The following KIF20A variants were observed in gnomAD, a reference collection of about 807,000 sequenced individuals.
KIF20A encodes the protein kinesin-like protein KIF20A.
Under a neutral mutation model 113.0 loss-of-function variants are expected in KIF20A, and 66 were observed. The observed-to-expected ratio is 0.58, with a 90% CI of 0.48 to 0.72. The LOEUF is 0.72. Among genes scored for constraint, KIF20A ranks in the 30% least tolerant of loss-of-function variants. The probability of loss-of-function intolerance (pLI) is 0.00; values close to 1 mark genes in which losing one functional copy is unlikely to be tolerated. For missense variants in KIF20A, 927 were observed against 1,077.6 expected, an observed-to-expected ratio of 0.86 and a Z score of 1.96; for synonymous variants, 376 against 402.3, an observed-to-expected ratio of 0.93 and a Z score of 0.78.
chr5:138,186,107 T>A, intron 17 of KIF20A, 55 bp downstream of exon 17: 2 of 1,537,966 alleles, frequency 1.3e-6, no homozygotes, highest in Non-Finnish European at 1.8e-6. Flanking sequence ...ATTTCCCACA[T>A]CCAACACTCT....
chr5:138,181,499 A>G lies in KIF20A; in HGVS notation c.243A>G (p.Arg81=). The change falls in exon 3 of 19, where the codon CGA becomes CGG. Residue 81 remains arginine (R), a synonymous_variant. Coordinates refer to ENST00000394894, the MANE Select transcript of KIF20A (RefSeq NM_005733.3). ...CCTTGTTACCTTCAGAGTTGGAACG[A>G]CAGGAAGATCAGGTAAGTGTCTGAG... The part of the protein sequence containing the change: ...VRPLLPSELE[R]QEDQGCVRIE... 6.2e-7 allele frequency: 1 copy of G among 1,614,210 alleles called. No individual in the cohort carries two copies. The highest frequency in any genetic ancestry group is 1.3e-5 in the African/African-American group (1 of 75,060).
chr5:138,183,161 T>C lies in KIF20A; in HGVS notation c.833-8T>C. 6.2e-7 allele frequency: 1 copy of C among 1,613,742 alleles called. No homozygotes were observed. The highest frequency in any genetic ancestry group is 8.5e-7 in the Non-Finnish European group (1 of 1,179,764). ...GGTTGATGCCCTATACATTGGCTTC[T>C]TCTCCAGAAACAAGTCATCGATGGG... On this transcript the variant is annotated splice_region_variant and splice_polypyrimidine_tract_variant and intron_variant, in intron 7 of 18. Coordinates refer to ENST00000394894, the MANE Select transcript of KIF20A (RefSeq NM_005733.3). This position sits in a 1 kb window ranked among gnomAD's most constrained non-coding sequence, Gnocchi z 5.2.
intron 16 of KIF20A, 46 bp downstream of exon 16, chr5:138,185,756 AGCTGTT>A (rs1009134109): frequency 2.5e-6 from 4 of 1,589,224 alleles, no homozygotes. Context: ...TTCAGGGAAG[AGCTGTT>A]ACTTAAACCC....
At chr5:138,180,879 G>A (rs1277521056) in intron 2 of KIF20A, among the ~76,000 whole-genome samples, 1 of 152,160 alleles carries the variant, frequency 6.6e-6, no homozygotes, top group African/African-American at 2.4e-5. Context: ...GTTTTGCTGT[G>A]TTGGCCAGAC....
Position 138,182,325 on chromosome 5 carries a change from C to T in KIF20A, c.378C>T (p.Ile126=). 2 of 1,613,086 alleles carry T rather than the reference C, an allele frequency of 1.2e-6. No homozygotes were observed. The highest frequency in any genetic ancestry group is 1.7e-6 in the Non-Finnish European group (2 of 1,179,554). ...TAAAAAACTGGGTCTCTCTCTAGAT[C>T]TTTGGGCCAGAAGTGGGACAGGCAT... ...QATHRFTFSQ[I]FGPEVGQASF... Residue 126 remains isoleucine, a splice_region_variant and synonymous_variant, in exon 5 of 19, where the codon ATC becomes ATT. Coordinates refer to ENST00000394894, the MANE Select transcript of KIF20A (RefSeq NM_005733.3).
At position 138,182,558 on chromosome 5, in the gene KIF20A, C is replaced by T. The variant is rs559088548; in HGVS notation, c.515-28C>T. The T allele has an allele frequency of 3.1e-6, 5 of 1,613,790 alleles. No individual in the cohort carries two copies. The South Asian group carries it at 5.5e-5, about 18-fold the overall frequency. ...GTTAGGGGGAGAAGGGCACTTGCCT[C>T]AGCTGTCCATCTTTCATATGCCTCC... On this transcript the variant is annotated intron_variant, in intron 5 of 18. Transcript: ENST00000394894.
chr5:138,183,523 G>A lies in KIF20A; in HGVS notation c.1081G>A (p.Val361Met), dbSNP rs753766129. Reference protein sequence around the residue: ...DAEEAWKLLKVGRKNQSFAST... With the variant: ...DAEEAWKLLKMGRKNQSFAST... Reference sequence around the variant, plus strand: ...TGAGGAGGCCTGGAAGCTCCTAAAAGTGGGTCGTAAGAACCAGAGCTTTGC... The same window carrying A: ...TGAGGAGGCCTGGAAGCTCCTAAAAATGGGTCGTAAGAACCAGAGCTTTGC... The change falls in exon 9 of 19, where the codon GTG (valine) becomes ATG (methionine). Residue 361 changes from valine to methionine, a missense_variant. Val to Met is a conservative substitution (Grantham distance 21). Coordinates refer to ENST00000394894, the MANE Select transcript of KIF20A (RefSeq NM_005733.3). This position sits in a 1 kb window ranked among gnomAD's most constrained non-coding sequence, Gnocchi z 5.2. The A allele has an allele frequency of 5.0e-6, 8 of 1,614,148 alleles. No individual in the cohort carries two copies. The highest frequency in any genetic ancestry group is 6.8e-6 in the Non-Finnish European group (8 of 1,180,026).
chr5:138,179,928 G>C, intron 2 of KIF20A, 83 bp downstream of exon 2: 1 of 1,381,260 alleles, frequency 7.2e-7, no homozygotes. Context: ...TGAGGTCAAA[G>C]ACTAGCAATC....
intron 16 of KIF20A, 120 bp from the exon 17 acceptor site, chr5:138,185,841 T>A: frequency 1.5e-6 from 2 of 1,305,962 alleles, no homozygotes; most frequent in South Asian, 1.3e-5. Flanking sequence ...CATTTCAATC[T>A]AGGATACACA....
At chr5:138,179,361 C>T (rs549035476) in intron 1 of KIF20A, 159 bp downstream of exon 1, 41 of 342,154 alleles carry the variant, frequency 1.2e-4, no homozygotes, top group South Asian at 1.1e-3. Flanking sequence ...GCCGAGGGAT[C>T]CTGACACCAC....
At chr5:138,186,470 C>G in intron 18 of KIF20A, 39 bp downstream of exon 18, 2 of 1,592,432 alleles carry the variant, frequency 1.3e-6, no homozygotes, top group Non-Finnish European at 1.7e-6. Context: ...TCCTACCAGC[C>G]CACTCCAGTG....
chr5:138,181,907 A>G, intron 4 of KIF20A, 179 bp downstream of exon 4: 2 of 649,788 alleles, frequency 3.1e-6, no homozygotes, highest in South Asian at 2.0e-5. Context: ...ATCAGTTCTG[A>G]AAAATTCTAT....
chr5:138,181,802 C>T, intron 4 of KIF20A, 74 bp downstream of exon 4: 1 of 1,549,988 alleles, frequency 6.5e-7, no homozygotes, highest in Non-Finnish European at 8.8e-7. Context: ...AGAGGGAAAG[C>T]TTCTCTTCCT....
At chr5:138,182,821 G>C (rs375208099) in intron 6 of KIF20A, 40 bp from the exon 7 acceptor site, 1 of 1,613,628 alleles carries the variant, frequency 6.2e-7, no homozygotes, top group South Asian at 1.1e-5. Context: ...TACAAATCTC[G>C]GGGAAGTTTT....
In KIF20A at chr5:138,184,883, A is replaced by C. The variant is rs756072258; in HGVS notation, c.1760A>C (p.His587Pro). 6.2e-7 allele frequency: 1 copy of C among 1,614,186 alleles called. No homozygotes were observed. The highest frequency in any genetic ancestry group is 1.7e-5 in the Admixed American group (1 of 60,020). ...CAGGAAAAGCTACAGCTGGAGATGCATCTCCGAGATGAAATTTGCAATGAG... is the reference window on the plus strand; with the variant it reads ...CAGGAAAAGCTACAGCTGGAGATGCCTCTCCGAGATGAAATTTGCAATGAG... ...ERQEKLQLEM[H>P]LRDEICNEMV... Residue 587 changes from histidine to proline, a missense_variant, in exon 14 of 19, where the codon CAT becomes CCT. Coordinates refer to ENST00000394894, the MANE Select transcript of KIF20A (RefSeq NM_005733.3).
At position 138,181,618 on chromosome 5, in the gene KIF20A, C is replaced by T. The variant is rs372207043; in HGVS notation, c.265C>T (p.Arg89Cys). The change falls in exon 4 of 19, where the codon CGT becomes TGT. Residue 89 changes from arginine (R) to cysteine (C), a missense_variant. Physicochemically the swap from Arg to Cys is radical, Grantham distance 180. Coordinates refer to ENST00000394894, the MANE Select transcript of KIF20A (RefSeq NM_005733.3). ...LERQEDQGCVRIENVETLVLQ... is the reference protein window; with the variant it reads ...LERQEDQGCVCIENVETLVLQ... ...TTTTCTCCCTTCTCAGGGTTGTGTC[C>T]GTATTGAGAATGTGGAGACCCTTGT... The T allele has an allele frequency of 2.0e-4, 316 of 1,614,118 alleles. No individual in the cohort carries two copies. In the South Asian group the frequency reaches 2.7e-3, roughly 14 times the overall value.
At chr5:138,180,199 T>G (rs565054404) in intron 2 of KIF20A, among the ~76,000 whole-genome samples, 90 of 152,338 alleles carry the variant, frequency 5.9e-4, no homozygotes, top group African/African-American at 2.1e-3. Flanking sequence ...ATAGGCATTA[T>G]GTAAGTGGAA....
rs140512754 is a variant in KIF20A, at chr5:138,184,495, AT to A, written c.1519-9del. ...GACTACTTATGGAGTCAAGTAAGAT[AT>A]TTTTTTTCCCTCTAGCTTGTGCATG... On this transcript the variant is annotated splice_polypyrimidine_tract_variant and intron_variant, in intron 12 of 18. Transcript: ENST00000394894. The A allele has an allele frequency of 1.4e-5, 22 of 1,609,810 alleles. No homozygotes were observed. The highest frequency in any genetic ancestry group is 2.7e-5 in the African/African-American group (2 of 74,682).
rs750236409 is a variant in KIF20A, at chr5:138,183,146, C to CT, written c.833-22dup. On this transcript the variant is annotated intron_variant, in intron 7 of 18. Transcript: ENST00000394894. This position sits in a 1 kb window ranked among gnomAD's most constrained non-coding sequence, Gnocchi z 5.2. ...AGGTGAACTGCTCTAGGTTGATGCC[C>CT]TATACATTGGCTTCTTCTCCAGAAA... 1 of 1,612,524 alleles carries CT rather than the reference C, an allele frequency of 6.2e-7. No homozygotes were observed. The highest frequency in any genetic ancestry group is 8.5e-7 in the Non-Finnish European group (1 of 1,179,146).
Sources: gnomAD v4.1 joint callset for allele counts (sites outside exome capture counted in the v4.1 genomes callset) on GRCh38, gnomAD v4.1.1 for gene constraint, Gnocchi (gnomAD v3.1) non-coding constraint, MANE v1.5 for transcripts, NCBI Gene and HGNC (gene_info 2026-07-23, HGNC 2026-07-21) for gene names.